The following CDH13 variants were observed in gnomAD, a reference collection of about 807,000 sequenced individuals.
The protein encoded by CDH13 is cadherin 13, also known as cadherin-13.
In CDH13, 24 loss-of-function variants were observed where a neutral mutation model predicts 63.8. That is an observed-to-expected ratio of 0.38 (90% CI 0.27 to 0.53). The LOEUF (loss-of-function observed/expected upper bound fraction) is 0.53. Ranked by LOEUF, CDH13 falls within the 20% of genes least tolerant of loss-of-function variation. The pLI, the probability that CDH13 is intolerant of heterozygous loss-of-function variation, is 0.85. For synonymous variants in CDH13, 503 were observed against 355.3 expected (o/e 1.42, Z -4.67); for missense variants, 1,049 against 903.1 (o/e 1.16, Z -2.07).
intron 2 of CDH13, among the ~76,000 whole-genome samples, chr16:82,902,627 CT>C (rs1482464191): frequency 2.0e-5 from 3 of 151,648 alleles, no homozygotes; most frequent in Non-Finnish European, 4.4e-5. Flanking sequence ...GCTTGGCCCC[CT>C]ACAACTCTAC....
chr16:83,668,252 C>G (rs930794707), intron 8 of CDH13, among the ~76,000 whole-genome samples: 1 of 152,206 alleles, frequency 6.6e-6, no homozygotes, highest in Non-Finnish European at 1.5e-5. Context: ...ATTCATTCAA[C>G]AAATATCTAC....
intron 2 of CDH13, among the ~76,000 whole-genome samples, chr16:82,927,001 G>T (rs145427195): frequency 6.8e-6 from 1 of 146,048 alleles, no homozygotes; most frequent in East Asian, 1.9e-4. Flanking sequence ...CACGGTGTCA[G>T]TTAGGGTAGC....
chr16:83,333,305 C>T (rs115747925), intron 5 of CDH13, among the ~76,000 whole-genome samples: 1,758 of 152,104 alleles, frequency 0.012, 39 homozygotes, highest in African/African-American at 0.04. Context: ...GGAATAATGG[C>T]TGACAAATAG....
intron 2 of CDH13, among the ~76,000 whole-genome samples, chr16:82,914,190 A>C (rs1241267760): frequency 6.6e-6 from 1 of 152,138 alleles, no homozygotes; most frequent in East Asian, 1.9e-4. Flanking sequence ...GCTTCTACTT[A>C]GTACAACTGA....
At chr16:83,069,796 G>A (rs547440549) in intron 3 of CDH13, among the ~76,000 whole-genome samples, 2 of 152,202 alleles carry the variant, frequency 1.3e-5, no homozygotes, top group Non-Finnish European at 2.9e-5. Context: ...CATCTCCTTA[G>A]ATTTAACACG....
At chr16:83,674,697 G>A (rs74998017) in intron 9 of CDH13, among the ~76,000 whole-genome samples, 2 of 152,208 alleles carry the variant, frequency 1.3e-5, no homozygotes, top group South Asian at 2.1e-4. Context: ...TTCCAGCAAG[G>A]TCCTGCCACT....
At chr16:82,907,486 A>G (rs1432338011) in intron 2 of CDH13, among the ~76,000 whole-genome samples, 2 of 152,186 alleles carry the variant, frequency 1.3e-5, no homozygotes, top group African/African-American at 4.8e-5. Flanking sequence ...TGAAATATCC[A>G]AACTGTCGGT....
intron 2 of CDH13, among the ~76,000 whole-genome samples, chr16:82,861,651 C>T (rs1199058563): frequency 1.3e-5 from 2 of 152,146 alleles, no homozygotes; most frequent in African/African-American, 4.8e-5. Context: ...TTTTATTTCC[C>T]TAATATTTTA....
At chr16:82,687,936 T>A (rs1341601592) in intron 1 of CDH13, among the ~76,000 whole-genome samples, 1 of 152,122 alleles carries the variant, frequency 6.6e-6, no homozygotes, top group Non-Finnish European at 1.5e-5. Flanking sequence ...GACTCAGACA[T>A]GCTTGGGACC....
At chr16:82,740,603 G>C (rs943376536) in intron 1 of CDH13, among the ~76,000 whole-genome samples, 5 of 152,330 alleles carry the variant, frequency 3.3e-5, no homozygotes, top group Admixed American at 2.6e-4. Context: ...CTTGACTCCA[G>C]ACTGTGGGTT....
intron 4 of CDH13, among the ~76,000 whole-genome samples, chr16:83,172,078 T>A (rs1416841528): frequency 5.3e-5 from 8 of 152,144 alleles, no homozygotes; most frequent in Non-Finnish European, 4.4e-5. Context: ...ATAGGATCTT[T>A]ACAGAGGTAA....
chr16:83,219,152 C>T (rs2039623402), intron 5 of CDH13, among the ~76,000 whole-genome samples: 1 of 152,208 alleles, frequency 6.6e-6, no homozygotes, highest in Admixed American at 6.5e-5. Context: ...CCTTGAGCAA[C>T]ACTCTTACCC....
At chr16:82,752,539 C>G (rs1186024722) in intron 1 of CDH13, among the ~76,000 whole-genome samples, 6 of 152,230 alleles carry the variant, frequency 3.9e-5, no homozygotes. Context: ...AGCCCTAACT[C>G]TGAAACATGT....
chr16:83,671,256 A>G (rs1025207131), intron 9 of CDH13, among the ~76,000 whole-genome samples: 2 of 152,056 alleles, frequency 1.3e-5, no homozygotes, highest in African/African-American at 4.8e-5. Flanking sequence ...TTTTGTTTTC[A>G]TTTTTGTTTT....
At chr16:83,172,638 C>T (rs2037970307) in intron 4 of CDH13, among the ~76,000 whole-genome samples, 1 of 152,034 alleles carries the variant, frequency 6.6e-6, no homozygotes, top group South Asian at 2.1e-4. Context: ...CAGATTCCTC[C>T]TCACAGACCT....
intron 4 of CDH13, among the ~76,000 whole-genome samples, chr16:83,126,257 A>G (rs967343315): frequency 2.0e-5 from 3 of 152,202 alleles, no homozygotes; most frequent in Non-Finnish European, 4.4e-5. Flanking sequence ...GAGCACACCA[A>G]ACAAAAGAGG....
chr16:83,212,734 G>T (rs148471634), intron 4 of CDH13, among the ~76,000 whole-genome samples: 3 of 152,186 alleles, frequency 2.0e-5, no homozygotes, highest in Admixed American at 6.5e-5. Context: ...TTGGGTATGC[G>T]TGAGAATCAC....
chr16:83,250,386 A>C (rs1905378733), intron 5 of CDH13, among the ~76,000 whole-genome samples: 1 of 152,212 alleles, frequency 6.6e-6, no homozygotes. Context: ...CACGGTTCAC[A>C]TTCTAGTTAG....
chr16:82,845,068 C>T (rs1195284221), intron 1 of CDH13, among the ~76,000 whole-genome samples: 3 of 152,174 alleles, frequency 2.0e-5, no homozygotes, highest in East Asian at 1.9e-4. Context: ...GAACCAGGTA[C>T]AGGTAGTTTT....
Sources: allele counts gnomAD v4.1 joint callset (sites outside exome capture counted in the v4.1 genomes callset), GRCh38; gene constraint gnomAD v4.1.1; transcripts MANE v1.5; gene names NCBI Gene and HGNC (gene_info 2026-07-23, HGNC 2026-07-21).